The following STT3A variants were observed in gnomAD, a reference collection of about 807,000 sequenced individuals.
STT3A encodes the protein dolichyl-diphosphooligosaccharide--protein glycosyltransferase subunit STT3A.
A neutral mutation model predicts 89.2 loss-of-function variants in STT3A; 34 were observed. The ratio of observed to expected loss-of-function variants is 0.38; its 90% CI spans 0.29 to 0.51. The LOEUF is 0.51. STT3A is among the 20% of genes least tolerant of loss of function. The pLI, the probability that STT3A is intolerant of heterozygous loss-of-function variation, is 0.89. For missense variants in STT3A, 555 were observed against 889.5 expected, an observed-to-expected ratio of 0.62 and a Z score of 4.78; for synonymous variants, 282 against 310.3, an observed-to-expected ratio of 0.91 and a Z score of 0.96.
chr11:125,617,728 T>G (rs918234341), intron 15 of STT3A, among the ~76,000 whole-genome samples: 4 of 152,220 alleles, frequency 2.6e-5, no homozygotes, highest in African/African-American at 7.2e-5. Context: ...AAGACTCATG[T>G]CTTGTCTACC....
chr11:125,604,033 A>G (rs923945283), intron 5 of STT3A, 124 bp from the exon 6 acceptor site: 2 of 973,482 alleles, frequency 2.1e-6, no homozygotes, highest in African/African-American at 1.6e-5. Context: ...AACATCTCAC[A>G]TCTACCTTCG....
intron 3 of STT3A, among the ~76,000 whole-genome samples, chr11:125,599,379 G>C (rs1939604577): frequency 6.6e-6 from 1 of 152,132 alleles, no homozygotes; most frequent in South Asian, 2.1e-4. Context: ...TAATTAAACT[G>C]TCTCTAGTTT....
chr11:125,613,909 T>C lies in STT3A; in HGVS notation c.1555-178T>C. On this transcript the variant is annotated intron_variant, in intron 13 of 17. Transcript: ENST00000392708. This position sits in a 1 kb window ranked among gnomAD's most constrained non-coding sequence, Gnocchi z 4.2. ...TTTGTGCTGAGATTTTATAATTGTATATAAATGGAAGACCAGGTGCCAGGA... is the reference window on the plus strand; with the variant it reads ...TTTGTGCTGAGATTTTATAATTGTACATAAATGGAAGACCAGGTGCCAGGA... 1 of 592,692 alleles carries C rather than the reference T, an allele frequency of 1.7e-6. No individual in the cohort carries two copies. Among genetic ancestry groups the C allele is most frequent in the Non-Finnish European group, 3.0e-6 (1 of 329,032 alleles). 36.7% of individuals were successfully genotyped at this position (592,692 alleles called of 1,614,324 possible).
chr11:125,605,545 C>T, intron 6 of STT3A, 84 bp from the exon 7 acceptor site: 1 of 927,614 alleles, frequency 1.1e-6, no homozygotes, highest in Non-Finnish European at 1.6e-6. Context: ...GGTAGTAGAT[C>T]CAGGCAGTCT....
In STT3A at chr11:125,602,351, T is replaced by C; in HGVS notation, c.198T>C (p.Tyr66=). The part of the protein sequence containing the change: ...TTRFLAEEGF[Y]KFHNWFDDRA... ...GGTTCCTGGCTGAGGAGGGGTTTTATAAATTCCATAACTGGTTTGATGACC... is the reference window on the plus strand; with the variant it reads ...GGTTCCTGGCTGAGGAGGGGTTTTACAAATTCCATAACTGGTTTGATGACC... The change falls in exon 4 of 18, where the codon TAT becomes TAC. Residue 66 remains tyrosine (Y), a synonymous_variant. Coordinates refer to ENST00000392708, the MANE Select transcript of STT3A (RefSeq NM_152713.5). 6.2e-7 allele frequency: 1 copy of C among 1,613,974 alleles called. No homozygotes were observed. The highest frequency in any genetic ancestry group is 8.5e-7 in the Non-Finnish European group (1 of 1,179,982).
chr11:125,620,210 T>G (rs1940309611), intron 17 of STT3A, 84 bp downstream of exon 17: 1 of 1,074,934 alleles, frequency 9.3e-7, no homozygotes, highest in Non-Finnish European at 1.4e-6. Flanking sequence ...CATATATTTC[T>G]CAAATAGGGA....
chr11:125,597,247 AACC>A, intron 3 of STT3A, 128 bp downstream of exon 3: 1 of 1,006,140 alleles, frequency 9.9e-7, no homozygotes, highest in South Asian at 1.4e-5. Flanking sequence ...GGGAAAAAAA[AACC>A]CTTAAATTCT....
At chr11:125,620,507 T>A (rs1189053140) in intron 17 of STT3A, among the ~76,000 whole-genome samples, 1 of 152,328 alleles carries the variant, frequency 6.6e-6, no homozygotes, top group Middle Eastern at 3.4e-3. Flanking sequence ...TAGAACCACA[T>A]AGGAGTATAT....
chr11:125,619,523 C>T (rs1424227052), intron 16 of STT3A, among the ~76,000 whole-genome samples: 1 of 152,156 alleles, frequency 6.6e-6, no homozygotes, highest in Non-Finnish European at 1.5e-5. Context: ...ACAGTGAAGA[C>T]AGGAACAAAA....
intron 15 of STT3A, among the ~76,000 whole-genome samples, chr11:125,615,608 A>G (rs989672014): frequency 6.6e-6 from 1 of 152,284 alleles, no homozygotes; most frequent in African/African-American, 2.4e-5. Context: ...GATTTAAAGT[A>G]TATAGACAGA....
intron 3 of STT3A, among the ~76,000 whole-genome samples, chr11:125,600,231 G>A (rs1224663747): frequency 6.6e-6 from 1 of 151,940 alleles, no homozygotes; most frequent in East Asian, 1.9e-4. Context: ...TGTATTTTTA[G>A]TAGAGACAGG....
At position 125,608,573 on chromosome 11, in the gene STT3A, G is replaced by A. The variant is rs7935168; in HGVS notation, c.961+284G>A. Reference sequence around the variant, plus strand: ...ACTCCCGACCTCAGGTGATCCGCCCGCCTCGGCCTCCCAAATTGCTGGGAT... The same window carrying A: ...ACTCCCGACCTCAGGTGATCCGCCCACCTCGGCCTCCCAAATTGCTGGGAT... On this transcript the variant is annotated intron_variant, in intron 9 of 17. Transcript: ENST00000392708. Among the ~76,000 whole-genome samples, 42,365 of 152,110 alleles carry A rather than the reference G, an allele frequency of 0.28. 6,102 individuals carry two copies. Among genetic ancestry groups the A allele is most frequent in the East Asian group, 0.41 (2,102 of 5,176 alleles).
chr11:125,616,881 T>C (rs977739949), intron 15 of STT3A, among the ~76,000 whole-genome samples: 13 of 152,186 alleles, frequency 8.5e-5, no homozygotes, highest in African/African-American at 3.1e-4. Context: ...TTTCGCCACA[T>C]TGCCCAGGCT....
rs1363318840 is a variant in STT3A, at chr11:125,622,554, C to T, written c.*1744C>T. ...AAGCTATCTTTTTAAAAAGTGTACT[C>T]TTCATTTTCACTGTTATTGTGTACT... On this transcript the variant is annotated 3_prime_UTR_variant, in exon 18 of 18. Transcript: ENST00000392708. 6.6e-6 allele frequency: 1 copy of T among 152,142 alleles called. No individual in the cohort carries two copies. Among genetic ancestry groups the T allele is most frequent in the Non-Finnish European group, 1.5e-5 (1 of 68,016 alleles). The allele number at this position is 152,142 out of a possible 1,614,324, so 9.4% of individuals were successfully genotyped here.
rs528454075 is a variant in STT3A at position 125,600,380 on chromosome 11, G to A, written c.150-1923G>A. 4.0e-5 allele frequency among the ~76,000 whole-genome samples: 6 copies of A among 151,804 alleles called. No individual in the cohort carries two copies. In the South Asian group the frequency reaches 1.0e-3, roughly 26 times the overall value. On this transcript the variant is annotated intron_variant, in intron 3 of 17. Coordinates refer to ENST00000392708, the MANE Select transcript of STT3A (RefSeq NM_152713.5). ...ATTATTATTATTTATTTTATTTTTT[G>A]AGACAGGGTCTTGCTCTGTCACCAG...
chr11:125,619,208 C>A (rs1057246967), intron 16 of STT3A, among the ~76,000 whole-genome samples: 2 of 151,872 alleles, frequency 1.3e-5, no homozygotes, highest in African/African-American at 2.4e-5. Context: ...CTCTACCATC[C>A]CCAGCTAATT....
intron 17 of STT3A, among the ~76,000 whole-genome samples, 158 bp downstream of exon 17, chr11:125,620,284 T>C (rs1285237561): frequency 7.9e-5 from 12 of 152,214 alleles, no homozygotes. Flanking sequence ...TTACTTATTT[T>C]AGATTGTTCT....
intron 16 of STT3A, among the ~76,000 whole-genome samples, chr11:125,619,783 T>C (rs1392637484): frequency 2.0e-5 from 3 of 152,176 alleles, no homozygotes; most frequent in Non-Finnish European, 2.9e-5. Flanking sequence ...GTCTGTCTTA[T>C]CAGAGATAAG....
chr11:125,596,997 C>T, intron 2 of STT3A, 62 bp from the exon 3 acceptor site: 1 of 1,537,808 alleles, frequency 6.5e-7, no homozygotes, highest in Non-Finnish European at 9.0e-7. Flanking sequence ...CATTATAATA[C>T]TATATCTGCT....
Sources: allele counts gnomAD v4.1 joint callset (sites outside exome capture counted in the v4.1 genomes callset), GRCh38; gene constraint gnomAD v4.1.1; non-coding constraint Gnocchi (gnomAD v3.1); transcripts MANE v1.5; gene names NCBI Gene and HGNC (gene_info 2026-07-23, HGNC 2026-07-21).